Variants in NKAIN2 observed in about 807,000 individuals in gnomAD.
NKAIN2 encodes the protein sodium/potassium-transporting ATPase subunit beta-1-interacting protein 2.
In NKAIN2, 14 loss-of-function variants were observed where a neutral mutation model predicts 32.6. The observed-to-expected ratio is 0.43, with a 90% CI of 0.28 to 0.67. The LOEUF (loss-of-function observed/expected upper bound fraction) is 0.67. Among genes scored for constraint, NKAIN2 ranks in the 30% least tolerant of loss-of-function variants. NKAIN2 has a pLI of 0.17. For synonymous variants in NKAIN2, 80 were observed against 87.2 expected, an observed-to-expected ratio of 0.92 and a Z score of 0.46; for missense variants, 198 against 258.3, an observed-to-expected ratio of 0.77 and a Z score of 1.60.
chr6:124,723,908 G>A (rs1348786182), intron 4 of NKAIN2, among the ~76,000 whole-genome samples: 2 of 152,216 alleles, frequency 1.3e-5, no homozygotes, highest in East Asian at 3.9e-4. Flanking sequence ...ATAGTTCTGT[G>A]CTGGTATTTT....
chr6:124,047,150 G>A (rs1782177678), intron 1 of NKAIN2, among the ~76,000 whole-genome samples: 1 of 151,816 alleles, frequency 6.6e-6, no homozygotes, highest in African/African-American at 2.4e-5. Flanking sequence ...TTACTGTCCT[G>A]GAAGACTCTC....
At chr6:124,817,314 T>G (rs965806856) in intron 5 of NKAIN2, among the ~76,000 whole-genome samples, 1 of 152,160 alleles carries the variant, frequency 6.6e-6, no homozygotes, top group African/African-American at 2.4e-5. Context: ...CAATTCTTCT[T>G]CTTCTAATGT....
chr6:124,319,401 G>T (rs2753171), intron 2 of NKAIN2, among the ~76,000 whole-genome samples: 11,794 of 152,100 alleles, frequency 0.078, 1,004 homozygotes, highest in African/African-American at 0.22. Flanking sequence ...CAGATTAAGA[G>T]AAGTCTAGCT....
At chr6:124,333,999 A>C (rs1583065289) in intron 2 of NKAIN2, among the ~76,000 whole-genome samples, 1 of 152,204 alleles carries the variant, frequency 6.6e-6, no homozygotes, top group South Asian at 2.1e-4. Context: ...TTTTAAAAAA[A>C]AGTTTTTATA....
intron 1 of NKAIN2, among the ~76,000 whole-genome samples, chr6:123,984,493 C>T (rs1303331394): frequency 2.0e-5 from 3 of 151,656 alleles, no homozygotes; most frequent in Non-Finnish European, 4.4e-5. Context: ...ACTGTTTTAC[C>T]AATACAGTAA....
At chr6:124,265,137 T>G (rs1363093134) in intron 1 of NKAIN2, among the ~76,000 whole-genome samples, 1 of 152,124 alleles carries the variant, frequency 6.6e-6, no homozygotes. Flanking sequence ...CATTGAGACC[T>G]ATAGCATTTG....
intron 1 of NKAIN2, among the ~76,000 whole-genome samples, chr6:124,156,283 G>A (rs1787983699): frequency 6.6e-6 from 1 of 152,128 alleles, no homozygotes; most frequent in Admixed American, 6.5e-5. Flanking sequence ...CCAGAGTAGA[G>A]GAGGTGGGCT....
intron 3 of NKAIN2, among the ~76,000 whole-genome samples, chr6:124,455,116 A>G (rs944304147): frequency 1.2e-4 from 18 of 152,088 alleles, no homozygotes; most frequent in Non-Finnish European, 2.2e-4. Context: ...TTTGAACTTT[A>G]CCCCTTCAGG....
At chr6:124,055,760 G>T (rs1782614358) in intron 1 of NKAIN2, among the ~76,000 whole-genome samples, 1 of 151,882 alleles carries the variant, frequency 6.6e-6, no homozygotes, top group Non-Finnish European at 1.5e-5. Context: ...CACTCTCCTA[G>T]TTGCCAGTTG....
intron 5 of NKAIN2, among the ~76,000 whole-genome samples, chr6:124,813,769 T>C (rs1211292787): frequency 1.3e-5 from 2 of 152,168 alleles, no homozygotes; most frequent in African/African-American, 2.4e-5. Context: ...ATTTTGTAAT[T>C]TGGGGAATTT....
At chr6:124,726,900 C>T (rs1180011241) in intron 4 of NKAIN2, among the ~76,000 whole-genome samples, 2 of 120,692 alleles carry the variant, frequency 1.7e-5, no homozygotes, top group South Asian at 3.0e-4. Flanking sequence ...TCGAGAACTA[C>T]GTGAAGAATG....
chr6:124,326,145 AG>A (rs2115037496), intron 2 of NKAIN2, among the ~76,000 whole-genome samples: 1 of 146,640 alleles, frequency 6.8e-6, no homozygotes, highest in Admixed American at 6.8e-5. Flanking sequence ...TTCCTTCTGA[AG>A]GATTTTTTTT....
intron 1 of NKAIN2, among the ~76,000 whole-genome samples, chr6:124,207,148 C>T (rs928994083): frequency 2.6e-5 from 4 of 151,356 alleles, no homozygotes; most frequent in Admixed American, 1.3e-4. Flanking sequence ...GGAACTTTGC[C>T]AGGTGCTAAG....
At chr6:124,631,367 T>C (rs1390178093) in intron 3 of NKAIN2, among the ~76,000 whole-genome samples, 1 of 152,178 alleles carries the variant, frequency 6.6e-6, no homozygotes. Context: ...TTGTGTGAAC[T>C]AGATAGACTG....
At chr6:124,272,302 C>T (rs1291046034) in intron 1 of NKAIN2, among the ~76,000 whole-genome samples, 1 of 152,174 alleles carries the variant, frequency 6.6e-6, no homozygotes, top group Non-Finnish European at 1.5e-5. Context: ...CTCTGTGCAG[C>T]CTCAGCACTT....
At chr6:124,436,087 C>T (rs181572791) in intron 3 of NKAIN2, among the ~76,000 whole-genome samples, 25 of 152,258 alleles carry the variant, frequency 1.6e-4, no homozygotes, top group African/African-American at 5.5e-4. Flanking sequence ...TTTTAATCCA[C>T]GTATCTTTGT....
chr6:124,463,351 A>G (rs2114652627), intron 3 of NKAIN2, among the ~76,000 whole-genome samples: 1 of 152,194 alleles, frequency 6.6e-6, no homozygotes, highest in Middle Eastern at 3.4e-3. Context: ...GTTTTACTGT[A>G]GCAAGTGAAG....
At chr6:124,694,406 T>A (rs1269155913) in intron 4 of NKAIN2, among the ~76,000 whole-genome samples, 1 of 152,216 alleles carries the variant, frequency 6.6e-6, no homozygotes, top group Non-Finnish European at 1.5e-5. Context: ...GGCAGTGTTA[T>A]TTACCAATTG....
At chr6:124,541,593 G>A (rs1345895603) in intron 3 of NKAIN2, among the ~76,000 whole-genome samples, 1 of 152,142 alleles carries the variant, frequency 6.6e-6, no homozygotes, top group Non-Finnish European at 1.5e-5. Context: ...CTTTAATACT[G>A]TGACATTCAA....
Sources: allele counts gnomAD v4.1 joint callset (sites outside exome capture counted in the v4.1 genomes callset), GRCh38; gene constraint gnomAD v4.1.1; transcripts MANE v1.5; gene names NCBI Gene and HGNC (gene_info 2026-07-23, HGNC 2026-07-21).